PLCXD2: variants seen among roughly 807,000 people sequenced by gnomAD.
PLCXD2 encodes the protein phosphatidylinositol specific phospholipase C X domain containing 2.
In PLCXD2, 21 loss-of-function variants were observed where a neutral mutation model predicts 28.6. The ratio of observed to expected loss-of-function variants is 0.73; its 90% CI spans 0.52 to 1.06. PLCXD2 has a LOEUF of 1.06. PLCXD2 is among the 50% of genes least tolerant of loss of function. PLCXD2 has a pLI of 0.00. For missense variants in PLCXD2, 369 were observed against 376.7 expected, an observed-to-expected ratio of 0.98 and a Z score of 0.17; for synonymous variants, 140 against 150.1, an observed-to-expected ratio of 0.93 and a Z score of 0.49.
At chr3:111,701,152 TA>T (rs1172922550) in intron 1 of PLCXD2, among the ~76,000 whole-genome samples, 1 of 152,194 alleles carries the variant, frequency 6.6e-6, no homozygotes, top group Admixed American at 6.5e-5. Flanking sequence ...TCTGACTAAT[TA>T]AAAATGGCTA....
At chr3:111,709,402 GTA>G (rs1297867054) in intron 2 of PLCXD2, among the ~76,000 whole-genome samples, 1 of 152,004 alleles carries the variant, frequency 6.6e-6, no homozygotes, top group East Asian at 1.9e-4. Context: ...ATATGTGTGT[GTA>G]TGTGTCTGTG....
chr3:111,692,145 C>A (rs960820741), intron 1 of PLCXD2, among the ~76,000 whole-genome samples: 3 of 152,282 alleles, frequency 2.0e-5, no homozygotes, highest in East Asian at 3.9e-4. Flanking sequence ...GGGTTCATGC[C>A]GTTCTCCAGC....
chr3:111,677,058 T>G (rs1940634202), intron 1 of PLCXD2: 1 of 152,170 alleles, frequency 6.6e-6, no homozygotes, highest in Admixed American at 6.6e-5. Flanking sequence ...TGGTGCCAGC[T>G]GCTGAAACTG....
At chr3:111,689,820 G>A (rs1422582907) in intron 1 of PLCXD2, among the ~76,000 whole-genome samples, 2 of 152,188 alleles carry the variant, frequency 1.3e-5, no homozygotes, top group African/African-American at 4.8e-5. Flanking sequence ...CAGGAAGCAA[G>A]TAGTAACGCC....
At chr3:111,721,848 GT>G (rs1292444205) in intron 3 of PLCXD2, 1 of 152,256 alleles carries the variant, frequency 6.6e-6, no homozygotes, top group Non-Finnish European at 1.5e-5. Flanking sequence ...ACAACGCTAA[GT>G]GGAAGGCCCC....
At chr3:111,724,822 C>T (rs770053034) in intron 3 of PLCXD2, 2 of 152,170 alleles carry the variant, frequency 1.3e-5, no homozygotes, top group Admixed American at 6.5e-5. Flanking sequence ...CATGAGACTC[C>T]GCTCCGTTAG....
At position 111,711,874 on chromosome 3, in the gene PLCXD2, A is replaced by G. The variant is rs16858446; in HGVS notation, c.625-2013A>G. ...AAAAGTAGAACGTAGCATTAAGTCT[A>G]TATCCCAGAGGCTCCAAGTAAAAGA... is the stretch of plus-strand genomic sequence containing the variant. On this transcript the variant is annotated intron_variant, in intron 2 of 4. Transcript: ENST00000477665. Among the ~76,000 whole-genome samples the G allele has an allele frequency of 8.8e-3, 1,339 of 152,332 alleles. 15 individuals are homozygous for G. Among genetic ancestry groups the G allele is most frequent in the African/African-American group, 0.031 (1,280 of 41,572 alleles).
chr3:111,718,529 A>C (rs1440177886), intron 3 of PLCXD2, among the ~76,000 whole-genome samples: 1 of 92,198 alleles, frequency 1.1e-5, no homozygotes, highest in African/African-American at 3.9e-5. Flanking sequence ...AGATAGATAG[A>C]TAGATTGATT....
intron 1 of PLCXD2, among the ~76,000 whole-genome samples, chr3:111,702,218 A>T (rs373551966): frequency 6.6e-6 from 1 of 152,204 alleles, no homozygotes; most frequent in East Asian, 1.9e-4. Flanking sequence ...GGGAACACCC[A>T]GAAATGTGCA....
chr3:111,705,682 G>T (rs6438001), intron 1 of PLCXD2, among the ~76,000 whole-genome samples: 117,428 of 150,080 alleles, frequency 0.78, 46,177 homozygotes, highest in African/African-American at 0.86. Context: ...TGTCTTTTTT[G>T]TTTTTATAAT....
chr3:111,707,833 T>C, intron 1 of PLCXD2, 93 bp from the exon 2 acceptor site: 2 of 1,205,564 alleles, frequency 1.7e-6, no homozygotes, highest in Non-Finnish European at 2.3e-6. Flanking sequence ...TATTTGGTGC[T>C]TAATTTTTGT....
intron 1 of PLCXD2, among the ~76,000 whole-genome samples, chr3:111,693,909 G>T (rs957882740): frequency 3.3e-5 from 5 of 152,200 alleles, no homozygotes; most frequent in African/African-American, 1.2e-4. Context: ...AGGAGGCAAG[G>T]TCCACAGAGC....
chr3:111,691,978 A>G (rs565681274), intron 1 of PLCXD2, among the ~76,000 whole-genome samples: 66 of 152,250 alleles, frequency 4.3e-4, no homozygotes, highest in Non-Finnish European at 7.6e-4. Context: ...CCAGGGTTAT[A>G]AAAAAGTTAA....
rs139437713 is a variant in PLCXD2 at position 111,705,400 on chromosome 3, C to T, written c.164-2526C>T. ...ATGTGTTTATACCACATTTTTTATCCATTCGTTGGTTGATGAATATTTAGG... is the reference window on the plus strand; with the variant it reads ...ATGTGTTTATACCACATTTTTTATCTATTCGTTGGTTGATGAATATTTAGG... On this transcript the variant is annotated intron_variant, in intron 1 of 4. Transcript: ENST00000477665. Among the ~76,000 whole-genome samples, 168 of 152,182 alleles carry T rather than the reference C, an allele frequency of 1.1e-3. 2 individuals are homozygous for T. Among genetic ancestry groups the T allele is most frequent in the African/African-American group, 3.6e-3 (148 of 41,514 alleles).
intron 1 of PLCXD2, among the ~76,000 whole-genome samples, chr3:111,684,141 C>A (rs919165818): frequency 1.3e-5 from 2 of 151,948 alleles, no homozygotes; most frequent in African/African-American, 4.8e-5. Flanking sequence ...ACCAGCCTGG[C>A]CAACATGGTG....
intron 1 of PLCXD2, among the ~76,000 whole-genome samples, chr3:111,687,627 C>A (rs182233653): frequency 3.3e-5 from 5 of 151,912 alleles, no homozygotes; most frequent in African/African-American, 1.2e-4. Context: ...ATATCTTCAG[C>A]ATTTAAGAAC....
At chr3:111,693,731 C>T (rs1940919094) in intron 1 of PLCXD2, among the ~76,000 whole-genome samples, 6 of 152,152 alleles carry the variant, frequency 3.9e-5, no homozygotes, top group Admixed American at 3.9e-4. Context: ...CCAAGAAAAA[C>T]ATTTGTTCAT....
intron 1 of PLCXD2, among the ~76,000 whole-genome samples, chr3:111,705,608 C>T (rs1347886226): frequency 2.6e-5 from 4 of 151,932 alleles, no homozygotes; most frequent in African/African-American, 9.7e-5. Flanking sequence ...AATGACTGTA[C>T]TACTTGACAT....
intron 2 of PLCXD2, among the ~76,000 whole-genome samples, chr3:111,710,734 A>G (rs566795914): frequency 3.6e-4 from 55 of 152,318 alleles, no homozygotes; most frequent in Non-Finnish European, 5.6e-4. Context: ...GAATTAGCAG[A>G]ATGGGAGAAA....
Sources: allele counts gnomAD v4.1 joint callset (sites outside exome capture counted in the v4.1 genomes callset), GRCh38; gene constraint gnomAD v4.1.1; transcripts MANE v1.5; gene names NCBI Gene and HGNC (gene_info 2026-07-23, HGNC 2026-07-21).